CLCN5: variants seen among roughly 807,000 people sequenced by gnomAD.
CLCN5 encodes the protein H(+)/Cl(-) exchange transporter 5.
CLCN5 carries 17 observed loss-of-function variants against 54.0 expected under a neutral mutation model. The observed-to-expected ratio is 0.31, with a 90% CI of 0.22 to 0.47. The LOEUF is 0.47. CLCN5 is among the 20% of genes least tolerant of loss of function. CLCN5 has a pLI of 1.00. For synonymous variants in CLCN5, 222 were observed against 233.0 expected, an observed-to-expected ratio of 0.95 and a Z score of 0.43; for missense variants, 448 against 646.7, an observed-to-expected ratio of 0.69 and a Z score of 3.33.
At chrX:50,007,397 T>TTCTCTCTCTCTCTCTCTCTCTCTCTCTC (rs781888075) in intron 3 of CLCN5, among the ~76,000 whole-genome samples, 111 of 64,215 alleles carry the variant, frequency 1.7e-3, no homozygotes, top group Non-Finnish European at 2.1e-3. Context: ...CTCTCTCTCT[T>TTCTCTCTCTCTCTCTCTCTCTCTCTCTC]TCTCTCTCTC....
At chrX:49,975,398 GTCAT>G (rs1210336193) in intron 3 of CLCN5, among the ~76,000 whole-genome samples, 1 of 111,473 alleles carries the variant, frequency 9.0e-6, no homozygotes, top group Non-Finnish European at 1.9e-5. Context: ...AGATTTAAAA[GTCAT>G]TCATAGGAAA....
intron 4 of CLCN5, among the ~76,000 whole-genome samples, chrX:50,045,201 G>A (rs1557187649): frequency 1.8e-5 from 2 of 111,520 alleles, no homozygotes. Context: ...TTTGCCTTGG[G>A]AAGATATGTC....
intron 3 of CLCN5, among the ~76,000 whole-genome samples, chrX:50,007,515 T>C (rs1294070522): frequency 9.2e-6 from 1 of 108,549 alleles, no homozygotes; most frequent in Non-Finnish European, 1.9e-5. Flanking sequence ...ATATCCCTTA[T>C]GTGAAGGGGC....
intron 3 of CLCN5, among the ~76,000 whole-genome samples, chrX:49,994,508 A>G (rs1929414940): frequency 9.3e-6 from 1 of 107,767 alleles, no homozygotes; most frequent in Non-Finnish European, 1.9e-5. Context: ...ATCTTATGTC[A>G]GATGCCAAAA....
At chrX:49,925,457 A>G in intron 3 of CLCN5, 143 bp downstream of exon 3, 1 of 578,741 alleles carries the variant, frequency 1.7e-6, no homozygotes. Context: ...GACAAAACAC[A>G]TTAGTTTAAA....
chrX:50,097,364 G>A lies in CLCN5; in HGVS notation c.*5145G>A, dbSNP rs1468162652. The A allele has an allele frequency of 8.0e-5, 9 of 111,831 alleles. No individual in the cohort carries two copies. The highest frequency in any genetic ancestry group is 1.3e-4 in the Non-Finnish European group (7 of 53,164). The allele number at this position is 111,831 out of a possible 1,213,427, so 9.2% of individuals were successfully genotyped here. On this transcript the variant is annotated 3_prime_UTR_variant, in exon 15 of 15. Coordinates refer to ENST00000376091, the MANE Select transcript of CLCN5 (RefSeq NM_001127898.4). ...TCACCCAAGAAAGAAAGTATATGAC[G>A]TGTGGAGTTTGCATTTCTTGGATGG... is the stretch of plus-strand genomic sequence containing the variant.
chrX:50,066,202 C>CAAAAAAAA (rs781827477), intron 4 of CLCN5, among the ~76,000 whole-genome samples: 2 of 65,331 alleles, frequency 3.1e-5, no homozygotes, highest in African/African-American at 1.5e-4. Flanking sequence ...AATTCCAGAG[C>CAAAAAAAA]AAAAAAAAAA....
In CLCN5 at chrX:49,989,471, ATCT is replaced by A. The variant is rs782155631; in HGVS notation, c.17-52841_17-52839del. 6.9e-3 allele frequency among the ~76,000 whole-genome samples: 780 copies of A among 112,257 alleles called. 11 individuals carry two copies. Among genetic ancestry groups the A allele is most frequent in the African/African-American group, 0.024 (756 of 30,902 alleles). On this transcript the variant is annotated intron_variant, in intron 3 of 14. Coordinates refer to ENST00000376091, the MANE Select transcript of CLCN5 (RefSeq NM_001127898.4). ...ACATATTCGTTAAATGAATAAATGA[ATCT>A]TCTATCCAAATAAAAATATGTTTCT...
At chrX:50,043,533 G>C (rs1932293041) in intron 4 of CLCN5, among the ~76,000 whole-genome samples, 1 of 111,450 alleles carries the variant, frequency 9.0e-6, no homozygotes, top group Non-Finnish European at 1.9e-5. Context: ...TAATTAATGA[G>C]GTTGAGCATA....
chrX:50,057,132 T>TG (rs1557189061), intron 4 of CLCN5, among the ~76,000 whole-genome samples: 4 of 110,776 alleles, frequency 3.6e-5, no homozygotes, highest in Non-Finnish European at 7.6e-5. Flanking sequence ...GACATAGCAC[T>TG]GGGGCAGTGT....
intron 3 of CLCN5, among the ~76,000 whole-genome samples, chrX:49,985,414 T>TC (rs1349610008): frequency 8.9e-6 from 1 of 111,952 alleles, no homozygotes; most frequent in Admixed American, 9.5e-5. Context: ...AAGAACATTT[T>TC]CCCAAATATT....
rs60257335 is a variant in CLCN5, at chrX:50,002,681, C to CTGTGTG, written c.17-39604_17-39599dup. ...TGTCTCTGTCTCTCTCTCTCTCTCT[C>CTGTGTG]TGTGTGTGTGTGTGTGTGTGTGTGT... is the stretch of plus-strand genomic sequence containing the variant. On this transcript the variant is annotated intron_variant, in intron 3 of 14. Coordinates refer to ENST00000376091, the MANE Select transcript of CLCN5 (RefSeq NM_001127898.4). Among the ~76,000 whole-genome samples, 425 of 94,771 alleles carry CTGTGTG rather than the reference C, an allele frequency of 4.5e-3. 4 individuals are homozygous for CTGTGTG. Among genetic ancestry groups the CTGTGTG allele is most frequent in the African/African-American group, 0.014 (333 of 23,708 alleles). 82.3% of individuals were successfully genotyped at this position (94,771 alleles called of 115,157 possible).
intron 3 of CLCN5, among the ~76,000 whole-genome samples, chrX:49,985,315 C>G (rs1194350896): frequency 9.0e-6 from 1 of 111,568 alleles, no homozygotes; most frequent in African/African-American, 3.3e-5. Flanking sequence ...ATCCCATTTC[C>G]TATCTTACTG....
At chrX:50,056,697 C>T (rs184713307) in intron 4 of CLCN5, among the ~76,000 whole-genome samples, 15 of 111,627 alleles carry the variant, frequency 1.3e-4, no homozygotes, top group Admixed American at 3.8e-4. Flanking sequence ...AAGAGGACTA[C>T]AAGAGATACA....
chrX:50,077,615 A>AGT (rs1388121430), intron 7 of CLCN5, among the ~76,000 whole-genome samples: 3 of 90,912 alleles, frequency 3.3e-5, no homozygotes, highest in African/African-American at 1.5e-4. Flanking sequence ...AGAGAGAGAG[A>AGT]GAGAGAGTGT....
At chrX:49,960,948 G>A (rs1324139189) in intron 3 of CLCN5, among the ~76,000 whole-genome samples, 2 of 111,269 alleles carry the variant, frequency 1.8e-5, no homozygotes, top group African/African-American at 6.5e-5. Flanking sequence ...TTGAAATCTG[G>A]CTTCTGTACC....
chrX:49,935,196 C>T (rs1557169441), intron 3 of CLCN5, among the ~76,000 whole-genome samples: 2 of 112,010 alleles, frequency 1.8e-5, no homozygotes, highest in Admixed American at 9.5e-5. Context: ...AGACACCATG[C>T]ATTTCTTGCT....
rs183049718 is a variant in CLCN5 at position 50,074,810 on chromosome X, A to G, written c.416-985A>G. On this transcript the variant is annotated intron_variant, in intron 6 of 14. Transcript: ENST00000376091. ...GCAACAATAGAAGCAGTGTGTCTGA[A>G]TGCTGGAACAGTCTGGGAATTCAAG... 4.1e-3 allele frequency among the ~76,000 whole-genome samples: 455 copies of G among 112,034 alleles called. 5 individuals are homozygous for G. Among genetic ancestry groups the G allele is most frequent in the African/African-American group, 0.014 (418 of 30,822 alleles).
chrX:49,980,403 A>G (rs1928677902), intron 3 of CLCN5, among the ~76,000 whole-genome samples: 1 of 112,178 alleles, frequency 8.9e-6, no homozygotes, highest in Non-Finnish European at 1.9e-5. Context: ...CATTAATATC[A>G]GCCAAATTTC....
Sources: allele counts gnomAD v4.1 joint callset (sites outside exome capture counted in the v4.1 genomes callset), GRCh38; gene constraint gnomAD v4.1.1; transcripts MANE v1.5; gene names NCBI Gene and HGNC (gene_info 2026-07-23, HGNC 2026-07-21).